Variants in PLB1 observed in about 807,000 individuals in gnomAD.
PLB1 encodes phospholipase B1, membrane-associated.
PLB1 carries 242 observed loss-of-function variants against 227.4 expected under a neutral mutation model. The observed-to-expected ratio is 1.06, with a 90% CI of 0.96 to 1.18. PLB1 has a LOEUF of 1.18. PLB1 is among the 50% of genes most tolerant of loss of function. The pLI, the probability that PLB1 is intolerant of heterozygous loss-of-function variation, is 0.00. For missense variants in PLB1, 1,858 were observed against 1,816.3 expected (o/e 1.02, Z -0.42); for synonymous variants, 757 against 682.2 (o/e 1.11, Z -1.71).
chr2:28,558,605 G>A (rs1675530166), intron 17 of PLB1, among the ~76,000 whole-genome samples: 3 of 152,212 alleles, frequency 2.0e-5, no homozygotes, highest in African/African-American at 7.2e-5. Context: ...TGGTGTAGCT[G>A]TGGATGGCTG....
At chr2:28,517,266 CTG>C (rs151215066) in intron 2 of PLB1, among the ~76,000 whole-genome samples, 23,446 of 152,142 alleles carry the variant, frequency 0.15, 2,096 homozygotes, top group East Asian at 0.37. Context: ...TCAAGAGAAA[CTG>C]TGTTTTCTTG....
rs1259547712 is a variant in PLB1, at chr2:28,540,417, G to A, written c.750G>A (p.Lys250=). The A allele has an allele frequency of 6.2e-7, 1 of 1,614,040 alleles. No individual in the cohort carries two copies. The highest frequency in any genetic ancestry group is 2.2e-5 in the East Asian group (1 of 44,870). Residue 250 remains lysine (K), a synonymous_variant, in exon 12 of 58, where the codon AAG becomes AAA. Coordinates refer to ENST00000327757, the MANE Select transcript of PLB1 (RefSeq NM_153021.5). ...NCSEETTRLA[K]VVMQWSYQEA... ...CAGAGGAGACCACCCGGCTGGCCAA[G>A]GTGGTGATGCAGTGGTCTTATCAGG...
rs1671108214 is a variant in PLB1, at chr2:28,532,214, A to G, written c.555+20A>G. 1 of 1,581,642 alleles carries G rather than the reference A, an allele frequency of 6.3e-7. No individual in the cohort carries two copies. Among genetic ancestry groups the G allele is most frequent in the African/African-American group, 1.4e-5 (1 of 73,982 alleles). On this transcript the variant is annotated intron_variant, in intron 9 of 57. Coordinates refer to ENST00000327757, the MANE Select transcript of PLB1 (RefSeq NM_153021.5). ...CAACAGGTAAATGGCAGCCTTGGGG[A>G]CCAAGGGATTACAGATGCTGGGGTG...
chr2:28,597,527 C>A (rs1349816547), intron 33 of PLB1, among the ~76,000 whole-genome samples: 1 of 152,142 alleles, frequency 6.6e-6, no homozygotes, highest in Non-Finnish European at 1.5e-5. Flanking sequence ...CCTTCTGAAC[C>A]TTCTATTGGA....
chr2:28,631,115 T>C (rs1688566569), intron 54 of PLB1, among the ~76,000 whole-genome samples: 1 of 151,318 alleles, frequency 6.6e-6, no homozygotes, highest in Non-Finnish European at 1.5e-5. Context: ...GATGATGCCA[T>C]TGTACTCTGC....
chr2:28,581,677 G>C (rs753880309), intron 23 of PLB1, among the ~76,000 whole-genome samples: 11 of 152,102 alleles, frequency 7.2e-5, no homozygotes, highest in Non-Finnish European at 1.3e-4. Context: ...ACAGAAAGAA[G>C]GGGACTCTGG....
intron 28 of PLB1, 51 bp from the exon 29 acceptor site, chr2:28,589,954 C>A: frequency 1.3e-6 from 2 of 1,547,404 alleles, no homozygotes; most frequent in South Asian, 2.2e-5. Flanking sequence ...CCTGAGCTTT[C>A]CATTCTGGCC....
In PLB1 at chr2:28,535,820, C is replaced by T. The variant is rs143834774; in HGVS notation, c.556-2499C>T. On this transcript the variant is annotated intron_variant, in intron 9 of 57. Coordinates refer to ENST00000327757, the MANE Select transcript of PLB1 (RefSeq NM_153021.5). ...CCTGTAGTCCTAGCTACTCGGGAGG[C>T]TGAGGCAACAGAATCACTAAACCCA... 9.5e-3 allele frequency among the ~76,000 whole-genome samples: 1,445 copies of T among 152,212 alleles called. 26 individuals carry two copies. Among genetic ancestry groups the T allele is most frequent in the African/African-American group, 0.032 (1,344 of 41,538 alleles).
intron 8 of PLB1, among the ~76,000 whole-genome samples, chr2:28,530,767 C>G (rs906932204): frequency 4.6e-5 from 7 of 152,226 alleles, no homozygotes; most frequent in Non-Finnish European, 7.3e-5. Flanking sequence ...GCCAGCCATG[C>G]ATGCATTAAA....
chr2:28,625,411 C>A (rs1687613687), intron 50 of PLB1, among the ~76,000 whole-genome samples: 1 of 152,196 alleles, frequency 6.6e-6, no homozygotes, highest in Admixed American at 6.5e-5. Flanking sequence ...TTCCCAGAGC[C>A]CTATTATGTA....
chr2:28,548,227 G>T (rs996071313), intron 14 of PLB1, among the ~76,000 whole-genome samples: 1 of 152,170 alleles, frequency 6.6e-6, no homozygotes, highest in Non-Finnish European at 1.5e-5. Context: ...ATTCTCTATT[G>T]TGCGCAGATT....
chr2:28,566,985 GCCGCCCAGCT>G, intron 20 of PLB1, 146 bp downstream of exon 20: 1 of 848,894 alleles, frequency 1.2e-6, no homozygotes, highest in East Asian at 3.0e-5. Context: ...TCCCGAGACT[GCCGCCCAGCT>G]CCGCTTCCGA....
chr2:28,565,105 A>C (rs1189503961), intron 18 of PLB1, among the ~76,000 whole-genome samples, 175 bp from the exon 19 acceptor site: 2 of 152,104 alleles, frequency 1.3e-5, no homozygotes, highest in African/African-American at 4.8e-5. Context: ...GGGCACTCTC[A>C]CTCATCTCTG....
intron 29 of PLB1, among the ~76,000 whole-genome samples, chr2:28,590,707 AT>A (rs1312112153): frequency 6.6e-6 from 1 of 152,038 alleles, no homozygotes; most frequent in African/African-American, 2.4e-5. Flanking sequence ...GACCAAAATC[AT>A]CTGACTTTTC....
In PLB1 at chr2:28,612,237, G is replaced by T. The variant is rs1212058954; in HGVS notation, c.3130-1794G>T. ...AAGGGGAGACTTGTCGGGTGCCTCA[G>T]GGAACCAGTATCTGAGCTGGGGGCT... On this transcript the variant is annotated intron_variant, in intron 43 of 57. Coordinates refer to ENST00000327757, the MANE Select transcript of PLB1 (RefSeq NM_153021.5). 3.3e-5 allele frequency among the ~76,000 whole-genome samples: 5 copies of T among 152,350 alleles called. No homozygotes were observed. In the East Asian group the frequency reaches 9.7e-4, roughly 29 times the overall value.
intron 43 of PLB1, among the ~76,000 whole-genome samples, 189 bp from the exon 44 acceptor site, chr2:28,613,842 C>A (rs1371109259): frequency 2.0e-5 from 3 of 152,174 alleles, no homozygotes; most frequent in Non-Finnish European, 2.9e-5. Flanking sequence ...TGTTGTCCAT[C>A]CCTTGCCAAA....
chr2:28,640,478 C>T (rs1689842629), intron 56 of PLB1, among the ~76,000 whole-genome samples: 1 of 152,202 alleles, frequency 6.6e-6, no homozygotes, highest in African/African-American at 2.4e-5. Context: ...CAATATGTTT[C>T]CAAACTTTCC....
intron 14 of PLB1, among the ~76,000 whole-genome samples, chr2:28,543,810 G>A (rs574045134): frequency 6.6e-6 from 1 of 152,334 alleles, no homozygotes; most frequent in South Asian, 2.1e-4. Flanking sequence ...CGCGCAGCTC[G>A]CTCCTGGCCT....
At chr2:28,514,579 T>C (rs985183280) in intron 1 of PLB1, among the ~76,000 whole-genome samples, 1 of 152,264 alleles carries the variant, frequency 6.6e-6, no homozygotes, top group Non-Finnish European at 1.5e-5. Flanking sequence ...TTAATTTGTT[T>C]ACATGTTGTC....
Sources: allele counts gnomAD v4.1 joint callset (sites outside exome capture counted in the v4.1 genomes callset), GRCh38; gene constraint gnomAD v4.1.1; transcripts MANE v1.5; gene names NCBI Gene and HGNC (gene_info 2026-07-23, HGNC 2026-07-21).